The following RBFOX1 variants were observed in gnomAD, a reference collection of about 807,000 sequenced individuals.
The protein encoded by RBFOX1 is RNA binding protein fox-1 homolog 1.
Under a neutral mutation model 57.7 loss-of-function variants are expected in RBFOX1, and 8 were observed. That is an observed-to-expected ratio of 0.14 (90% CI 0.08 to 0.25). The LOEUF is 0.25. Among genes scored for constraint, RBFOX1 ranks in the 10% least tolerant of loss-of-function variants. The pLI is 1.00. For missense variants in RBFOX1, 611 were observed against 548.5 expected (o/e 1.11, Z -1.14); for synonymous variants, 326 against 222.4 (o/e 1.47, Z -4.15).
intron 4 of RBFOX1, among the ~76,000 whole-genome samples, chr16:7,161,920 C>G (rs193180969): frequency 6.6e-6 from 1 of 152,284 alleles, no homozygotes; most frequent in African/African-American, 2.4e-5. Context: ...TAAACACACT[C>G]AAAGGTTTTG....
chr16:5,597,765 C>G (rs1449377523), intron 2 of RBFOX1, among the ~76,000 whole-genome samples: 1 of 152,136 alleles, frequency 6.6e-6, no homozygotes, highest in South Asian at 2.1e-4. Flanking sequence ...TGCTCCTGCG[C>G]TGTACCTCGT....
At chr16:6,205,399 G>A (rs748492721) in intron 1 of RBFOX1, among the ~76,000 whole-genome samples, 2 of 152,216 alleles carry the variant, frequency 1.3e-5, no homozygotes, top group Non-Finnish European at 2.9e-5. Context: ...CAAGGTTGTC[G>A]TGACAAAGTA....
At chr16:6,992,298 G>A (rs1285315942) in intron 3 of RBFOX1, among the ~76,000 whole-genome samples, 2 of 151,906 alleles carry the variant, frequency 1.3e-5, no homozygotes, top group Admixed American at 1.3e-4. Flanking sequence ...GCTCATTGCA[G>A]CCTCTGCCTC....
chr16:5,321,224 T>C (rs576600833), intron 1 of RBFOX1, among the ~76,000 whole-genome samples: 4 of 152,112 alleles, frequency 2.6e-5, no homozygotes, highest in Non-Finnish European at 5.9e-5. Flanking sequence ...ACTAAAAATG[T>C]CTCCAGACGT....
At chr16:6,923,395 T>C (rs983952293) in intron 3 of RBFOX1, among the ~76,000 whole-genome samples, 6 of 152,044 alleles carry the variant, frequency 3.9e-5, no homozygotes, top group African/African-American at 1.4e-4. Context: ...TTAGCAGGCA[T>C]GGTGGGGAAC....
intron 1 of RBFOX1, among the ~76,000 whole-genome samples, chr16:6,142,619 T>C (rs1293380800): frequency 1.3e-5 from 2 of 152,320 alleles, no homozygotes; most frequent in East Asian, 3.9e-4. Context: ...GACCAGCACA[T>C]AGATGAATGC....
chr16:6,746,061 G>T (rs1366030141), intron 3 of RBFOX1, among the ~76,000 whole-genome samples: 1 of 152,158 alleles, frequency 6.6e-6, no homozygotes, highest in African/African-American at 2.4e-5. Context: ...GAACAAATCT[G>T]ATGGAAGATA....
intron 3 of RBFOX1, among the ~76,000 whole-genome samples, chr16:5,854,775 G>A (rs1226287662): frequency 6.6e-6 from 1 of 152,104 alleles, no homozygotes; most frequent in Non-Finnish European, 1.5e-5. Context: ...TCATATGATA[G>A]TTCTAGTTTT....
At chr16:5,586,354 G>T (rs1030084687) in intron 2 of RBFOX1, among the ~76,000 whole-genome samples, 4 of 152,178 alleles carry the variant, frequency 2.6e-5, no homozygotes, top group African/African-American at 7.2e-5. Flanking sequence ...CTCGCTGGGT[G>T]ATTATCATAT....
chr16:6,528,164 C>T (rs1372173212), intron 2 of RBFOX1, among the ~76,000 whole-genome samples: 1 of 152,082 alleles, frequency 6.6e-6, no homozygotes, highest in African/African-American at 2.4e-5. Flanking sequence ...TTATCTTTGT[C>T]TTCGGCACTT....
chr16:6,479,283 A>T (rs902665661), intron 2 of RBFOX1, among the ~76,000 whole-genome samples: 1 of 152,222 alleles, frequency 6.6e-6, no homozygotes, highest in African/African-American at 2.4e-5. Flanking sequence ...CACATCTTAC[A>T]TGGCGGCAGG....
intron 4 of RBFOX1, among the ~76,000 whole-genome samples, chr16:7,103,873 C>T (rs913230140): frequency 1.3e-5 from 2 of 152,100 alleles, no homozygotes; most frequent in Non-Finnish European, 2.9e-5. Context: ...ATACCATTTG[C>T]AAAAGAACAC....
At chr16:7,371,339 A>G (rs996472454) in intron 4 of RBFOX1, among the ~76,000 whole-genome samples, 4 of 152,218 alleles carry the variant, frequency 2.6e-5, no homozygotes, top group African/African-American at 9.6e-5. Flanking sequence ...AATAATTCAA[A>G]TGATGCTAGT....
intron 4 of RBFOX1, among the ~76,000 whole-genome samples, chr16:7,193,550 G>A (rs2085948686): frequency 6.6e-6 from 1 of 152,218 alleles, no homozygotes; most frequent in African/African-American, 2.4e-5. Flanking sequence ...GTCCTTACAC[G>A]TGCCAGATGC....
chr16:6,344,393 T>A, intron 2 of RBFOX1, among the ~76,000 whole-genome samples: 1 of 89,746 alleles, frequency 1.1e-5, no homozygotes, highest in East Asian at 2.3e-4. Flanking sequence ...CTCTTCTTCT[T>A]TTTTCTTTTT....
At chr16:7,002,286 A>C (rs1199691861) in intron 3 of RBFOX1, among the ~76,000 whole-genome samples, 1 of 152,226 alleles carries the variant, frequency 6.6e-6, no homozygotes, top group Non-Finnish European at 1.5e-5. Flanking sequence ...CTTTGCAAGC[A>C]TGTGAGCCAG....
chr16:7,032,283 A>C (rs2043002531), intron 3 of RBFOX1, among the ~76,000 whole-genome samples: 1 of 152,022 alleles, frequency 6.6e-6, no homozygotes, highest in East Asian at 1.9e-4. Context: ...AAACAAAAAC[A>C]AAACAAAAAA....
At chr16:6,859,518 A>C (rs1433957288) in intron 3 of RBFOX1, among the ~76,000 whole-genome samples, 2 of 151,954 alleles carry the variant, frequency 1.3e-5, no homozygotes, top group African/African-American at 4.8e-5. Flanking sequence ...TGGACCTGCA[A>C]ATTTCCCAAA....
rs141254741 is a variant in RBFOX1 at position 5,420,984 on chromosome 16, TTCCTCCTCC to T, written c.220-46215_220-46207del. Among the ~76,000 whole-genome samples, 596 of 127,650 alleles carry T rather than the reference TTCCTCCTCC, an allele frequency of 4.7e-3. 2 individuals carry two copies. The highest frequency in any genetic ancestry group is 0.013 in the Middle Eastern group (3 of 234). The allele number at this position is 127,650 out of a possible 152,430, so 83.7% of individuals were successfully genotyped here. ...CCTCCTTTTCCTCCTCCTTCTTCCCTTCCTCCTCCTCCTCCTCCTCCTCCTTCCTTCTTC... is the reference window on the plus strand; with the variant it reads ...CCTCCTTTTCCTCCTCCTTCTTCCCTTCCTCCTCCTCCTCCTTCCTTCTTC... On this transcript the variant is annotated intron_variant, in intron 1 of 2. Coordinates refer to the RBFOX1 transcript ENST00000585867.
Sources: allele counts gnomAD v4.1 joint callset (sites outside exome capture counted in the v4.1 genomes callset), GRCh38; gene constraint gnomAD v4.1.1; transcripts MANE v1.5; gene names NCBI Gene and HGNC (gene_info 2026-07-23, HGNC 2026-07-21).